Variants in ZNF549 observed in about 807,000 individuals in gnomAD.
The protein encoded by ZNF549 is zinc finger protein 549.
In ZNF549, 11 loss-of-function variants were observed where a neutral mutation model predicts 11.1. That is an observed-to-expected ratio of 0.99 (90% CI 0.62 to 1.64). The LOEUF is 1.64. ZNF549 is among the 40% of genes most tolerant of loss of function. ZNF549 has a pLI of 0.00. For missense variants in ZNF549, 748 were observed against 765.1 expected, an observed-to-expected ratio of 0.98 and a Z score of 0.26; for synonymous variants, 266 against 269.1, an observed-to-expected ratio of 0.99 and a Z score of 0.11.
chr19:57,540,775 CAAAA>C lies in ZNF549; in HGVS notation c.*1850_*1853del, dbSNP rs1349420586. Reference sequence around the variant, plus strand: ...ACTTCTCAAAAAACAAAAACAAAAACAAAAAGAACAGATAAGAAATACGTGTGTA... The same window carrying C: ...ACTTCTCAAAAAACAAAAACAAAAACAGAACAGATAAGAAATACGTGTGTA... On this transcript the variant is annotated 3_prime_UTR_variant, in exon 4 of 4. Transcript: ENST00000376233. The C allele has an allele frequency of 6.6e-6, 1 of 151,756 alleles. No homozygotes were observed. The highest frequency in any genetic ancestry group is 2.4e-5 in the African/African-American group (1 of 41,308). The allele number at this position is 151,756 out of a possible 1,614,324, so 9.4% of individuals were successfully genotyped here.
At chr19:57,530,061 A>G (rs937018705) in intron 1 of ZNF549, among the ~76,000 whole-genome samples, 2 of 152,184 alleles carry the variant, frequency 1.3e-5, no homozygotes, top group African/African-American at 4.8e-5. Flanking sequence ...AACTGCAAAT[A>G]GCAAAACAGC....
chr19:57,531,817 A>G (rs2089905382), intron 2 of ZNF549, among the ~76,000 whole-genome samples: 3 of 152,210 alleles, frequency 2.0e-5, no homozygotes, highest in Non-Finnish European at 4.4e-5. Flanking sequence ...ATTTTATCAC[A>G]CTACTCAGAG....
Position 57,538,583 on chromosome 19 carries a change from C to G in ZNF549, c.1579C>G (p.Gln527Glu), listed in dbSNP as rs910417358. Residue 527 changes from glutamine (Q) to glutamate (E), a missense_variant, in exon 4 of 4, where the codon CAA becomes GAA. Coordinates refer to ENST00000376233, the MANE Select transcript of ZNF549 (RefSeq NM_001199295.2). ...GCACCAAAGAATCCATACTAGAGAACAACTTTGTGAGTGCAATGAATGTGG... is the reference window on the plus strand; with the variant it reads ...GCACCAAAGAATCCATACTAGAGAAGAACTTTGTGAGTGCAATGAATGTGG... ...LQHQRIHTREQLCECNECGKV... is the reference protein window; with the variant it reads ...LQHQRIHTREELCECNECGKV... The G allele has an allele frequency of 1.7e-5, 28 of 1,614,092 alleles. No individual in the cohort carries two copies. The highest frequency in any genetic ancestry group is 2.3e-5 in the Non-Finnish European group (27 of 1,180,028).
At chr19:57,534,492 G>C (rs1187676545) in intron 2 of ZNF549, among the ~76,000 whole-genome samples, 1 of 152,154 alleles carries the variant, frequency 6.6e-6, no homozygotes, top group Non-Finnish European at 1.5e-5. Context: ...TGTGGTGGGA[G>C]CAGCTGGGGG....
chr19:57,536,072 C>T lies in ZNF549; in HGVS notation c.199+802C>T, dbSNP rs538928556. Among the ~76,000 whole-genome samples the T allele has an allele frequency of 1.2e-3, 182 of 152,156 alleles. 1 individual carries two copies. The highest frequency in any genetic ancestry group is 4.3e-3 in the African/African-American group (177 of 41,502). ...CCTGCTTGACAATTTGCCTACTTGT[C>T]GTTTCTACTGTGATTGTCCCCTACC... On this transcript the variant is annotated intron_variant, in intron 3 of 3. Transcript: ENST00000376233.
At chr19:57,536,084 G>T (rs1425414013) in intron 3 of ZNF549, among the ~76,000 whole-genome samples, 1 of 152,058 alleles carries the variant, frequency 6.6e-6, no homozygotes, top group African/African-American at 2.4e-5. Flanking sequence ...TTTCTACTGT[G>T]ATTGTCCCCT....
chr19:57,528,339 C>T (rs1439941887), intron 1 of ZNF549, among the ~76,000 whole-genome samples: 1 of 152,102 alleles, frequency 6.6e-6, no homozygotes, highest in Non-Finnish European at 1.5e-5. Context: ...CGTGGTGTTT[C>T]TAAATTGCCA....
At position 57,527,506 on chromosome 19, in the gene ZNF549, C is replaced by T. The variant is rs2089882664; in HGVS notation, c.-68C>T. 7 of 1,604,292 alleles carry T rather than the reference C, an allele frequency of 4.4e-6. No homozygotes were observed. In the African/African-American group the frequency reaches 5.4e-5, roughly 12 times the overall value. On this transcript the variant is annotated 5_prime_UTR_variant, in exon 1 of 4. Coordinates refer to ENST00000376233, the MANE Select transcript of ZNF549 (RefSeq NM_001199295.2). ...GTCTGAGCGTCGCCCAGCGATTTGC[C>T]ACCGCACGCACGCCGGATCCCGGGC...
chr19:57,529,896 T>TA (rs1461067814), intron 1 of ZNF549, among the ~76,000 whole-genome samples: 6 of 151,582 alleles, frequency 4.0e-5, no homozygotes, highest in African/African-American at 1.5e-4. Context: ...CAAAAATAAA[T>TA]AAATAAAATA....
intron 1 of ZNF549, among the ~76,000 whole-genome samples, chr19:57,529,802 T>C (rs2089895989): frequency 6.6e-6 from 1 of 151,876 alleles, no homozygotes; most frequent in Admixed American, 6.6e-5. Context: ...AGGAGAATGG[T>C]GTGAAGCTGG....
At position 57,537,802 on chromosome 19, in the gene ZNF549, G is replaced by C. The variant is rs1397320942; in HGVS notation, c.798G>C (p.Gln266His). Reference sequence around the variant, plus strand: ...CTAAATACTTATTTGTTGAACACCAGAGAACCCATAATGCAGAAAAGCCTT... The same window carrying C: ...CTAAATACTTATTTGTTGAACACCACAGAACCCATAATGCAGAAAAGCCTT... ...LNSKYLFVEH[Q>H]RTHNAEKPYV... The change falls in exon 4 of 4, where the codon CAG becomes CAC. Residue 266 changes from glutamine to histidine, a missense_variant. By Grantham distance (24) the Gln-to-His change is conservative. Transcript: ENST00000376233. 1 of 1,614,192 alleles carries C rather than the reference G, an allele frequency of 6.2e-7. No homozygotes were observed. The highest frequency in any genetic ancestry group is 1.7e-5 in the Admixed American group (1 of 60,028).
At chr19:57,527,844 C>G (rs1025603995) in intron 1 of ZNF549, among the ~76,000 whole-genome samples, 1 of 152,154 alleles carries the variant, frequency 6.6e-6, no homozygotes, top group Non-Finnish European at 1.5e-5. Context: ...GGGGGCGGAC[C>G]TGTGTCTGCA....
chr19:57,527,639 T>C, intron 1 of ZNF549, 33 bp downstream of exon 1: 1 of 1,610,664 alleles, frequency 6.2e-7, no homozygotes. Flanking sequence ...CTCACCTGGG[T>C]CCTGAGGCCC....
rs1600166968 is a variant in ZNF549, at chr19:57,539,162, C to G, written c.*235C>G. 1 of 484,518 alleles carries G rather than the reference C, an allele frequency of 2.1e-6. No homozygotes were observed. The highest frequency in any genetic ancestry group is 3.4e-5 in the Admixed American group (1 of 29,040). 30.0% of individuals were successfully genotyped at this position (484,518 alleles called of 1,614,324 possible). ...ATATCCTCACCGTTTTCATCAGTCA[C>G]TCACATGTGCTCAAGGAATGCAGAC... On this transcript the variant is annotated 3_prime_UTR_variant, in exon 4 of 4. Transcript: ENST00000376233.
At chr19:57,529,542 A>G (rs2089894423) in intron 1 of ZNF549, among the ~76,000 whole-genome samples, 1 of 152,230 alleles carries the variant, frequency 6.6e-6, no homozygotes, top group African/African-American at 2.4e-5. Context: ...CACCCTTGTG[A>G]TGAAGAAGGG....
Position 57,538,673 on chromosome 19 carries a change from T to C in ZNF549, c.1669T>C (p.Cys557Arg), listed in dbSNP as rs1434009087. The C allele has an allele frequency of 6.2e-7, 1 of 1,614,218 alleles. No individual in the cohort carries two copies. The highest frequency in any genetic ancestry group is 1.7e-5 in the Admixed American group (1 of 60,028). ...GAAAGTTCACACTGGCGAAAAGCCC[T>C]GTGAGTGCAGTGAATGTGGGAAATG... is the stretch of plus-strand genomic sequence containing the variant. Reference protein sequence around the residue: ...HQKVHTGEKPCECSECGKCFR... With the variant: ...HQKVHTGEKPRECSECGKCFR... Residue 557 changes from cysteine to arginine, a missense_variant, in exon 4 of 4, where the codon TGT becomes CGT. Physicochemically the swap from Cys to Arg is radical, Grantham distance 180. Transcript: ENST00000376233.
In ZNF549 at chr19:57,537,454, C is replaced by T; in HGVS notation, c.450C>T (p.His150=). The change falls in exon 4 of 4, where the codon CAC becomes CAT. Residue 150 remains histidine (H), a synonymous_variant. Coordinates refer to ENST00000376233, the MANE Select transcript of ZNF549 (RefSeq NM_001199295.2). ...WFSFGSNLQQ[H]QNQDSGEKHI... ...CATTTGGTTCTAACCTGCAACAGCACCAGAACCAGGACAGTGGAGAGAAAC... is the reference window on the plus strand; with the variant it reads ...CATTTGGTTCTAACCTGCAACAGCATCAGAACCAGGACAGTGGAGAGAAAC... The T allele has an allele frequency of 6.2e-7, 1 of 1,614,168 alleles. No homozygotes were observed. The highest frequency in any genetic ancestry group is 8.5e-7 in the Non-Finnish European group (1 of 1,180,034).
chr19:57,537,145 G>A lies in ZNF549; in HGVS notation c.200-59G>A, dbSNP rs569593719. 64 of 1,537,854 alleles carry A rather than the reference G, an allele frequency of 4.2e-5. No homozygotes were observed. In the African/African-American group the frequency reaches 8.4e-4, roughly 20 times the overall value. On this transcript the variant is annotated intron_variant, in intron 3 of 3. Coordinates refer to ENST00000376233, the MANE Select transcript of ZNF549 (RefSeq NM_001199295.2). ...CCTGTGTTCCACAGGTATTTGTAAT[G>A]GAGCTGTTCCCTTCTACCAAAGTCT...
chr19:57,535,072 G>A, intron 2 of ZNF549, 72 bp from the exon 3 acceptor site: 1 of 1,578,000 alleles, frequency 6.3e-7, no homozygotes, highest in Non-Finnish European at 8.6e-7. Flanking sequence ...TGGAGAACTA[G>A]GGAGGAGCGA....
Sources: gnomAD v4.1 joint callset for allele counts (sites outside exome capture counted in the v4.1 genomes callset) on GRCh38, gnomAD v4.1.1 for gene constraint, MANE v1.5 for transcripts, NCBI Gene and HGNC (gene_info 2026-07-23, HGNC 2026-07-21) for gene names.